RYK: variants seen among roughly 807,000 people sequenced by gnomAD.
RYK encodes the protein inactive tyrosine-protein kinase RYK.
A neutral mutation model predicts 70.2 loss-of-function variants in RYK; 21 were observed. The ratio of observed to expected loss-of-function variants is 0.30; its 90% CI spans 0.21 to 0.43. The LOEUF (loss-of-function observed/expected upper bound fraction) is 0.43, where lower values mean the gene tolerates loss of function less well. Among genes scored for constraint, RYK ranks in the 20% least tolerant of loss-of-function variants. The pLI, the probability that RYK is intolerant of heterozygous loss-of-function variation, is 1.00. For synonymous variants in RYK, 267 were observed against 278.0 expected (o/e 0.96, Z 0.39); for missense variants, 604 against 753.3 (o/e 0.80, Z 2.32).
chr3:134,181,889 G>A (rs2013306152), intron 10 of RYK, among the ~76,000 whole-genome samples: 1 of 152,144 alleles, frequency 6.6e-6, no homozygotes, highest in Non-Finnish European at 1.5e-5. Flanking sequence ...TTCATGGCCG[G>A]GCACAGTGGC....
At chr3:134,180,685 A>T (rs997575898) in intron 10 of RYK, 8 of 152,254 alleles carry the variant, frequency 5.3e-5, no homozygotes, top group African/African-American at 1.9e-4. Context: ...AAAATGTGTG[A>T]TAGGCCCTGG....
chr3:134,227,422 G>A (rs184321831), intron 1 of RYK, among the ~76,000 whole-genome samples: 58 of 151,614 alleles, frequency 3.8e-4, no homozygotes, highest in African/African-American at 1.2e-3. Context: ...TAAATTAATC[G>A]TGAAATTTAC....
chr3:134,244,763 TC>T (rs1250541186), intron 1 of RYK, among the ~76,000 whole-genome samples: 1 of 152,206 alleles, frequency 6.6e-6, no homozygotes, highest in African/African-American at 2.4e-5. Flanking sequence ...ATTATTGTTT[TC>T]TCATTTCTCT....
chr3:134,169,680 C>A (rs2012825292), intron 13 of RYK, among the ~76,000 whole-genome samples: 1 of 152,212 alleles, frequency 6.6e-6, no homozygotes, highest in East Asian at 1.9e-4. Context: ...TGATGGAAAA[C>A]ATCAATGTAT....
At chr3:134,207,624 G>C in intron 4 of RYK, 99 bp from the exon 5 acceptor site, 10 of 714,640 alleles carry the variant, frequency 1.4e-5, no homozygotes, top group Non-Finnish European at 2.3e-5. Context: ...CTCAGCAACA[G>C]GTATGTGTTG....
chr3:134,235,129 G>C (rs2015167793), intron 1 of RYK, among the ~76,000 whole-genome samples: 1 of 152,022 alleles, frequency 6.6e-6, no homozygotes, highest in African/African-American at 2.4e-5. Context: ...ATGGTAAGAA[G>C]GCAGGGAGTG....
chr3:134,184,169 T>C (rs956474487), intron 9 of RYK, among the ~76,000 whole-genome samples: 7 of 152,238 alleles, frequency 4.6e-5, no homozygotes, highest in Non-Finnish European at 1.0e-4. Context: ...AGTAAAAATA[T>C]AGTTAACTTT....
intron 1 of RYK, among the ~76,000 whole-genome samples, chr3:134,234,447 C>T (rs2015149761): frequency 6.6e-6 from 1 of 151,964 alleles, no homozygotes; most frequent in African/African-American, 2.4e-5. Flanking sequence ...AAAGAGAAGA[C>T]CAAAACTTGG....
chr3:134,220,889 AG>A (rs2014714416), intron 2 of RYK, among the ~76,000 whole-genome samples: 1 of 152,208 alleles, frequency 6.6e-6, no homozygotes. Flanking sequence ...GGTGAAGGGA[AG>A]CATTGTTTGA....
intron 1 of RYK, among the ~76,000 whole-genome samples, chr3:134,235,717 G>A (rs902268476): frequency 2.0e-5 from 3 of 152,172 alleles, no homozygotes; most frequent in Middle Eastern, 3.2e-3. Context: ...AGCAGGGACA[G>A]TGGACAGCAG....
intron 1 of RYK, among the ~76,000 whole-genome samples, chr3:134,245,137 G>A (rs117851802): frequency 1.3e-5 from 2 of 152,280 alleles, no homozygotes; most frequent in East Asian, 3.9e-4. Flanking sequence ...AAATGGAAAT[G>A]ACAGTACATA....
intron 1 of RYK, among the ~76,000 whole-genome samples, chr3:134,234,662 C>A (rs981980729): frequency 6.6e-6 from 1 of 152,004 alleles, no homozygotes; most frequent in Admixed American, 6.6e-5. Flanking sequence ...ACTCAGAAGG[C>A]CTCAGGAAAC....
At chr3:134,167,856 A>T (rs1383038405) in intron 13 of RYK, among the ~76,000 whole-genome samples, 2 of 152,206 alleles carry the variant, frequency 1.3e-5, no homozygotes, top group Non-Finnish European at 2.9e-5. Flanking sequence ...AATGGGAGAA[A>T]ATTTTTGTAA....
At chr3:134,212,341 A>G (rs1488322374) in intron 2 of RYK, among the ~76,000 whole-genome samples, 2 of 152,372 alleles carry the variant, frequency 1.3e-5, no homozygotes, top group Non-Finnish European at 2.9e-5. Flanking sequence ...TGAAAGAAGC[A>G]GCTCAAACTG....
chr3:134,189,696 T>C (rs1200228279), intron 8 of RYK, among the ~76,000 whole-genome samples: 4 of 141,380 alleles, frequency 2.8e-5, no homozygotes, highest in Non-Finnish European at 6.0e-5. Context: ...TGAGCCAAGA[T>C]TGTGCCACTG....
At chr3:134,200,700 C>T (rs921753951) in intron 6 of RYK, among the ~76,000 whole-genome samples, 1 of 152,188 alleles carries the variant, frequency 6.6e-6, no homozygotes, top group Non-Finnish European at 1.5e-5. Context: ...CAGAGGAGAA[C>T]TGAGACACAC....
intron 1 of RYK, among the ~76,000 whole-genome samples, chr3:134,247,819 A>G (rs2015504235): frequency 6.6e-6 from 1 of 152,192 alleles, no homozygotes; most frequent in Non-Finnish European, 1.5e-5. Context: ...TGTCACTATC[A>G]ACTTCATTTA....
chr3:134,164,741 C>T (rs114067290), intron 13 of RYK, among the ~76,000 whole-genome samples: 130 of 152,344 alleles, frequency 8.5e-4, no homozygotes, highest in African/African-American at 2.8e-3. Context: ...AACATGTTTT[C>T]ATTTATCTAA....
At chr3:134,250,341 G>A (rs1322498369) in intron 1 of RYK, 82 bp downstream of exon 1, 2 of 852,286 alleles carry the variant, frequency 2.3e-6, no homozygotes, top group Non-Finnish European at 3.2e-6. Flanking sequence ...GAGGTCCACG[G>A]CTCGCAGACT....
Sources: gnomAD v4.1 joint callset for allele counts (sites outside exome capture counted in the v4.1 genomes callset) on GRCh38, gnomAD v4.1.1 for gene constraint, MANE v1.5 for transcripts, NCBI Gene and HGNC (gene_info 2026-07-23, HGNC 2026-07-21) for gene names.